Variants in EMP1 observed in about 807,000 individuals in gnomAD.
The protein encoded by EMP1 is tumor-associated membrane protein.
EMP1 carries 5 observed loss-of-function variants against 15.7 expected under a neutral mutation model. That is an observed-to-expected ratio of 0.32 (90% CI 0.17 to 0.67). The LOEUF (loss-of-function observed/expected upper bound fraction) is 0.67. Among genes scored for constraint, EMP1 ranks in the 30% least tolerant of loss-of-function variants. EMP1 has a pLI of 0.74. For synonymous variants in EMP1, 78 were observed against 76.7 expected (o/e 1.02, Z -0.09); for missense variants, 166 against 194.2 (o/e 0.85, Z 0.86).
rs2121171230 is a variant in EMP1, at chr12:13,219,863, T to C, written c.*5172T>C. 1 of 152,354 alleles carries C rather than the reference T, an allele frequency of 6.6e-6. No homozygotes were observed. The highest frequency in any genetic ancestry group is 1.5e-5 in the Non-Finnish European group (1 of 68,034). The allele number at this position is 152,354 out of a possible 1,614,324, so 9.4% of individuals were successfully genotyped here. On this transcript the variant is annotated 3_prime_UTR_variant, in exon 5 of 5. Coordinates refer to ENST00000256951, the MANE Select transcript of EMP1 (RefSeq NM_001423.3). ...TCCATACGAAAAATTCAGAACTATT[T>C]TATTTATGATATGGGCTAAAAAGAC... is the stretch of plus-strand genomic sequence containing the variant.
chr12:13,202,865 C>T (rs536320305), intron 1 of EMP1, among the ~76,000 whole-genome samples: 2 of 152,226 alleles, frequency 1.3e-5, no homozygotes, highest in African/African-American at 2.4e-5. Flanking sequence ...TTCCACCAAA[C>T]CCTAAGCCAA....
chr12:13,213,657 G>T, intron 3 of EMP1, 24 bp from the exon 4 acceptor site: 1 of 1,613,926 alleles, frequency 6.2e-7, no homozygotes, highest in Non-Finnish European at 8.5e-7. Context: ...TCATGCCCTT[G>T]TTCTCCTCGT....
intron 4 of EMP1, 48 bp from the exon 5 acceptor site, chr12:13,214,486 G>A (rs368464560): frequency 2.6e-5 from 41 of 1,582,926 alleles, no homozygotes; most frequent in Non-Finnish European, 3.3e-5. Context: ...ACTTTTTCTC[G>A]ACTTTAATGT....
At chr12:13,202,255 G>T (rs180719667) in intron 1 of EMP1, among the ~76,000 whole-genome samples, 10 of 152,138 alleles carry the variant, frequency 6.6e-5, no homozygotes, top group East Asian at 1.9e-4. Context: ...ATCTTTTGTC[G>T]CATTGGCTAC....
At chr12:13,204,460 A>T (rs1864092538) in intron 1 of EMP1, among the ~76,000 whole-genome samples, 1 of 152,144 alleles carries the variant, frequency 6.6e-6, no homozygotes, top group African/African-American at 2.4e-5. Flanking sequence ...TTTGTGTTAC[A>T]TGCGCATCCA....
chr12:13,207,287 AT>A (rs1864118962), intron 1 of EMP1, among the ~76,000 whole-genome samples: 1 of 152,002 alleles, frequency 6.6e-6, no homozygotes. Context: ...AATTTCTTGT[AT>A]TTTTAATTGA....
At chr12:13,200,743 T>C (rs1017940285) in intron 1 of EMP1, among the ~76,000 whole-genome samples, 1 of 152,206 alleles carries the variant, frequency 6.6e-6, no homozygotes. Context: ...ACACCTGTGG[T>C]GATTGCTGCT....
At chr12:13,213,946 G>A (rs1864190406) in intron 4 of EMP1, 125 bp downstream of exon 4, 1 of 1,381,318 alleles carries the variant, frequency 7.2e-7, no homozygotes, top group Non-Finnish European at 1.0e-6. Flanking sequence ...TTCTCCTCTG[G>A]TTATTTGTTC....
At chr12:13,207,925 G>A (rs1234582797) in intron 1 of EMP1, among the ~76,000 whole-genome samples, 1 of 152,192 alleles carries the variant, frequency 6.6e-6, no homozygotes, top group African/African-American at 2.4e-5. Context: ...CTTTGGAACT[G>A]CTCAGTGCAC....
chr12:13,214,662 G>A lies in EMP1; in HGVS notation c.445G>A (p.Val149Ile), dbSNP rs774431121. 2.4e-5 allele frequency: 38 copies of A among 1,613,214 alleles called. No homozygotes were observed. The Admixed American group carries it at 2.8e-4, about 12-fold the overall frequency. Residue 149 changes from valine (V) to isoleucine (I), a missense_variant, in exon 5 of 5, where the codon GTT (valine) becomes ATT (isoleucine). Val to Ile is a conservative substitution (Grantham distance 29). Transcript: ENST00000256951. ...CTTCTGCTTCAGCTTCATCATCGGC[G>A]TTCTCTATCTGGTCCTGAGAAAGAA... Reference protein sequence around the residue: ...ICFCFSFIIGVLYLVLRKK With the variant: ...ICFCFSFIIGILYLVLRKK
Position 13,211,696 on chromosome 12 carries a change from A to T in EMP1, c.78+108A>T. On this transcript the variant is annotated intron_variant, in intron 2 of 4. Coordinates refer to ENST00000256951, the MANE Select transcript of EMP1 (RefSeq NM_001423.3). This position sits in a 1 kb window ranked among gnomAD's most constrained non-coding sequence, Gnocchi z 4.7. The stretch of plus-strand genomic sequence containing the variant: ...CAGCCCTTGCCCTTCATGAACTTAC[A>T]GCTCAGTTGTGGGAAAACAAAATAA... 1 of 1,243,802 alleles carries T rather than the reference A, an allele frequency of 8.0e-7. No homozygotes were observed. Among genetic ancestry groups the T allele is most frequent in the Non-Finnish European group, 1.2e-6 (1 of 866,822 alleles). 77.0% of individuals were successfully genotyped at this position (1,243,802 alleles called of 1,614,324 possible). A position where few individuals can be genotyped will look rare whatever the true frequency, so the allele number is the denominator to read the frequency against.
chr12:13,198,916 T>C (rs1864037445), intron 1 of EMP1, among the ~76,000 whole-genome samples: 2 of 152,052 alleles, frequency 1.3e-5, no homozygotes, highest in African/African-American at 4.8e-5. Context: ...GATTTCAGCT[T>C]TGACAATCCC....
At chr12:13,208,179 T>A (rs1864130898) in intron 1 of EMP1, among the ~76,000 whole-genome samples, 1 of 152,170 alleles carries the variant, frequency 6.6e-6, no homozygotes, top group Non-Finnish European at 1.5e-5. Flanking sequence ...ATAAATGGTA[T>A]TTTTTTCAGT....
At chr12:13,210,728 ACT>A (rs1340750916) in intron 1 of EMP1, among the ~76,000 whole-genome samples, 6 of 152,122 alleles carry the variant, frequency 3.9e-5, no homozygotes, top group African/African-American at 1.4e-4. Context: ...GGAAAATATG[ACT>A]CTCTGCCCAG....
Position 13,211,742 on chromosome 12 carries a change from CAATT to C in EMP1, c.78+157_78+160del. On this transcript the variant is annotated intron_variant, in intron 2 of 4. Coordinates refer to ENST00000256951, the MANE Select transcript of EMP1 (RefSeq NM_001423.3). This position sits in a 1 kb window ranked among gnomAD's most constrained non-coding sequence, Gnocchi z 4.7. ...AATAAACACACGCTTGCCCTTCAAA[CAATT>C]AAATAACAGGAGGATAAAAGTGAAT... 1 of 751,300 alleles carries C rather than the reference CAATT, an allele frequency of 1.3e-6. No homozygotes were observed. The highest frequency in any genetic ancestry group is 2.2e-6 in the Non-Finnish European group (1 of 455,586). 46.5% of individuals were successfully genotyped at this position (751,300 alleles called of 1,614,324 possible).
intron 1 of EMP1, among the ~76,000 whole-genome samples, chr12:13,202,658 C>T (rs530246578): frequency 9.9e-5 from 15 of 152,168 alleles, no homozygotes; most frequent in Admixed American, 5.9e-4. Context: ...GGATATTGTT[C>T]GGGTCTGTTT....
intron 1 of EMP1, among the ~76,000 whole-genome samples, chr12:13,199,964 CTTT>C (rs60389913): frequency 2.0e-4 from 21 of 107,558 alleles, no homozygotes; most frequent in Non-Finnish European, 2.1e-4. Context: ...TCTTCTTCTT[CTTT>C]TTTTTTTTTT....
At position 13,216,499 on chromosome 12, in the gene EMP1, G is replaced by T; in HGVS notation, c.*1808G>T. On this transcript the variant is annotated 3_prime_UTR_variant, in exon 5 of 5. Coordinates refer to ENST00000256951, the MANE Select transcript of EMP1 (RefSeq NM_001423.3). ...CATGATTATAGAAGGCTGTCTTAGT[G>T]CAAAAAACATACTTACATTTCAGAC... 1.4e-6 allele frequency: 1 copy of T among 698,952 alleles called. No homozygotes were observed. Among genetic ancestry groups the T allele is most frequent in the Non-Finnish European group, 2.6e-6 (1 of 383,508 alleles). The allele number at this position is 698,952 out of a possible 1,614,324, so 43.3% of individuals were successfully genotyped here.
In EMP1 at chr12:13,210,653, G is replaced by A. The variant is rs558451951; in HGVS notation, c.-42-816G>A. Among the ~76,000 whole-genome samples the A allele has an allele frequency of 1.1e-4, 17 of 152,306 alleles. No individual in the cohort carries two copies. The South Asian group carries it at 2.9e-3, about 26-fold the overall frequency. On this transcript the variant is annotated intron_variant, in intron 1 of 4. Coordinates refer to ENST00000256951, the MANE Select transcript of EMP1 (RefSeq NM_001423.3). The stretch of plus-strand genomic sequence containing the variant: ...TGTAAATGTCATGTACAAGGAGAAG[G>A]CACATTTGGTGCTATCTCAAGTTGC...
Sources: allele counts gnomAD v4.1 joint callset (sites outside exome capture counted in the v4.1 genomes callset), GRCh38; gene constraint gnomAD v4.1.1; non-coding constraint Gnocchi (gnomAD v3.1); transcripts MANE v1.5; gene names NCBI Gene and HGNC (gene_info 2026-07-23, HGNC 2026-07-21).